Variants in KLC2 observed in about 807,000 individuals in gnomAD.
KLC2 encodes the protein KLC 2.
A neutral mutation model predicts 75.1 loss-of-function variants in KLC2; 35 were observed. That is an observed-to-expected ratio of 0.47 (90% CI 0.36 to 0.62). The LOEUF (loss-of-function observed/expected upper bound fraction) is 0.62. Among genes scored for constraint, KLC2 ranks in the 20% least tolerant of loss-of-function variants. The probability of loss-of-function intolerance (pLI) is 0.00; values close to 1 mark genes in which losing one functional copy is unlikely to be tolerated. For synonymous variants in KLC2, 314 were observed against 336.7 expected, an observed-to-expected ratio of 0.93 and a Z score of 0.74; for missense variants, 611 against 833.2, an observed-to-expected ratio of 0.73 and a Z score of 3.28.
At chr11:66,262,096 T>G in intron 3 of KLC2, 27 bp from the exon 4 acceptor site, 1 of 1,610,046 alleles carries the variant, frequency 6.2e-7, no homozygotes, top group Non-Finnish European at 8.5e-7. Flanking sequence ...CCTCCTTCCC[T>G]GATGCTCATC....
At chr11:66,244,079 C>G in the KLC2 span, 1 of 152,466 alleles carries the variant, frequency 6.6e-6, no homozygotes, top group African/African-American at 2.4e-5. Context: ...ACCCTGTGCA[C>G]TGGTCGCTGT....
the KLC2 span, among the ~76,000 whole-genome samples, chr11:66,249,367 C>G: frequency 6.6e-6 from 1 of 152,190 alleles, no homozygotes; most frequent in Admixed American, 6.5e-5. Flanking sequence ...GCAGCCCACA[C>G]TCGGGTGAGG....
the KLC2 span, among the ~76,000 whole-genome samples, chr11:66,246,499 CCTT>C: frequency 3.9e-5 from 6 of 152,298 alleles, no homozygotes; most frequent in African/African-American, 1.4e-4. Context: ...CCTCTTCACT[CCTT>C]GAGGGCTTTT....
chr11:66,252,716 G>T (rs1855974410), upstream of KLC2, among the ~76,000 whole-genome samples: 1 of 152,188 alleles, frequency 6.6e-6, no homozygotes, highest in Non-Finnish European at 1.5e-5. Flanking sequence ...ACTTAGCTGA[G>T]TCTGACCCCA....
intron 2 of KLC2, among the ~76,000 whole-genome samples, chr11:66,260,497 G>A (rs976849733): frequency 3.3e-5 from 5 of 152,336 alleles, no homozygotes; most frequent in African/African-American, 7.2e-5. Context: ...GGTGGAGGCC[G>A]GGTGTGGTGG....
Position 66,262,203 on chromosome 11 carries a change from G to A in KLC2, c.529+11G>A. The A allele has an allele frequency of 6.2e-7, 1 of 1,611,484 alleles. No individual in the cohort carries two copies. Among genetic ancestry groups the A allele is most frequent in the Admixed American group, 1.7e-5 (1 of 60,018 alleles). Reference sequence around the variant, plus strand: ...ATGAGCAGAGCCCAGGTGCGGATGGGCAGTTCTGGAGTGGGGGAAGGAAAG... The same window carrying A: ...ATGAGCAGAGCCCAGGTGCGGATGGACAGTTCTGGAGTGGGGGAAGGAAAG... On this transcript the variant is annotated intron_variant, in intron 4 of 15. Transcript: ENST00000394067.
At chr11:66,247,289 CA>C in the KLC2 span, among the ~76,000 whole-genome samples, 1 of 152,202 alleles carries the variant, frequency 6.6e-6, no homozygotes, top group Non-Finnish European at 1.5e-5. Context: ...GTTCTCCACT[CA>C]ATAGCCAGAG....
At position 66,266,965 on chromosome 11, in the gene KLC2, G is replaced by T; in HGVS notation, c.*9G>T. The stretch of plus-strand genomic sequence containing the variant: ...GCTCCCTGGTGGGCTAATGCTGAAG[G>T]GGCAGCCAGTCACCAGAGCGCCCAC... On this transcript the variant is annotated 3_prime_UTR_variant, in exon 16 of 16. Coordinates refer to ENST00000394067, the MANE Select transcript of KLC2 (RefSeq NM_001318734.2). 1 of 1,611,490 alleles carries T rather than the reference G, an allele frequency of 6.2e-7. No individual in the cohort carries two copies.
the KLC2 span, among the ~76,000 whole-genome samples, chr11:66,248,584 T>C: frequency 3.3e-5 from 5 of 152,138 alleles, no homozygotes; most frequent in African/African-American, 1.2e-4. Context: ...ACCACTGCAC[T>C]CCAACCTGGG....
chr11:66,262,581 T>C (rs1856510356), intron 4 of KLC2: 1 of 584,062 alleles, frequency 1.7e-6, no homozygotes, highest in Non-Finnish European at 3.1e-6. Flanking sequence ...GGACACAGGC[T>C]CAGAGGTTAG....
chr11:66,266,590 TC>T, intron 15 of KLC2, 100 bp downstream of exon 15: 1 of 1,271,726 alleles, frequency 7.9e-7, no homozygotes, highest in Non-Finnish European at 1.1e-6. Flanking sequence ...CAGCAACAGT[TC>T]CTGGCTCTGT....
the KLC2 span, among the ~76,000 whole-genome samples, chr11:66,250,488 C>CT: frequency 2.0e-5 from 3 of 152,144 alleles, no homozygotes; most frequent in Admixed American, 2.0e-4. Flanking sequence ...ATCCATACAT[C>CT]TGGCTTTTAT....
the KLC2 span, among the ~76,000 whole-genome samples, chr11:66,250,116 T>C: frequency 6.6e-6 from 1 of 152,094 alleles, no homozygotes; most frequent in African/African-American, 2.4e-5. Context: ...CCTTTTCCTT[T>C]AAGATGTGGC....
chr11:66,266,400 T>C (rs754691763), intron 14 of KLC2, 33 bp from the exon 15 acceptor site: 2 of 1,564,778 alleles, frequency 1.3e-6, no homozygotes, highest in South Asian at 1.2e-5. Flanking sequence ...GAGTTCCTCC[T>C]TGGGCAAATC....
Position 66,265,194 on chromosome 11 carries a change from T to A in KLC2, c.1293T>A (p.Tyr431Ter). 1 of 1,506,712 alleles carries A rather than the reference T, an allele frequency of 6.6e-7. No homozygotes were observed. Among genetic ancestry groups the A allele is most frequent in the Non-Finnish European group, 9.0e-7 (1 of 1,113,906 alleles). 93.3% of individuals were successfully genotyped at this position (1,506,712 alleles called of 1,614,324 possible). A position where few individuals can be genotyped will look rare whatever the true frequency, so the allele number is the denominator to read the frequency against. Residue 431 changes from tyrosine (Y) to a stop codon, truncating the protein, a stop_gained, in exon 11 of 16, where the codon TAT becomes TAA. Transcript: ENST00000394067. LOFTEE classifies it high-confidence loss of function. ...SKDKRRDSAP[Y>*]GEYGSWYKAC... ...ATAAGCGCCGGGACAGCGCCCCCTA[T>A]GGGGAATACGGCAGCTGGTACAAGG...
Position 66,262,117 on chromosome 11 carries a change from T to G in KLC2, c.460-6T>G. On this transcript the variant is annotated splice_polypyrimidine_tract_variant and splice_region_variant and intron_variant, in intron 3 of 15. Coordinates refer to ENST00000394067, the MANE Select transcript of KLC2 (RefSeq NM_001318734.2). ...TCCCTGATGCTCATCCTGTCTTCCT[T>G]CCCAGGAGGAGAAGGGGGACGTCCC... is the stretch of plus-strand genomic sequence containing the variant. 1.2e-6 allele frequency: 2 copies of G among 1,613,070 alleles called. No homozygotes were observed. Among genetic ancestry groups the G allele is most frequent in the East Asian group, 4.5e-5 (2 of 44,880 alleles).
At chr11:66,262,340 G>A (rs1856495784) in intron 4 of KLC2, 148 bp downstream of exon 4, 1 of 659,738 alleles carries the variant, frequency 1.5e-6, no homozygotes, top group Admixed American at 2.4e-5. Context: ...TGTACGTGCT[G>A]CTGCTTCTCA....
intron 4 of KLC2, 65 bp downstream of exon 4, chr11:66,262,257 G>T (rs1009093628): frequency 7.8e-7 from 1 of 1,281,916 alleles, no homozygotes; most frequent in Non-Finnish European, 1.1e-6. Context: ...CCTTGGGACC[G>T]AGTGGCTGCC....
At chr11:66,266,703 A>C (rs925183003) in intron 15 of KLC2, 170 bp from the exon 16 acceptor site, 2 of 838,910 alleles carry the variant, frequency 2.4e-6, no homozygotes, top group African/African-American at 3.4e-5. Context: ...GTCACTGTGG[A>C]GATGGACGGG....
Sources: allele counts gnomAD v4.1 joint callset (sites outside exome capture counted in the v4.1 genomes callset), GRCh38; gene constraint gnomAD v4.1.1; transcripts MANE v1.5; gene names NCBI Gene and HGNC (gene_info 2026-07-23, HGNC 2026-07-21).